LRMDA: variants seen among roughly 807,000 people sequenced by gnomAD.
LRMDA encodes leucine-rich melanocyte differentiation-associated protein.
Under a neutral mutation model 29.8 loss-of-function variants are expected in LRMDA, and 18 were observed. The ratio of observed to expected loss-of-function variants is 0.60; its 90% CI spans 0.42 to 0.90. The LOEUF (loss-of-function observed/expected upper bound fraction) is 0.90, where lower values mean the gene tolerates loss of function less well. Ranked by LOEUF, LRMDA falls within the 40% of genes least tolerant of loss-of-function variation. The pLI is 0.00. For synonymous variants in LRMDA, 125 were observed against 109.4 expected (o/e 1.14, Z -0.89); for missense variants, 273 against 273.9 (o/e 1.00, Z 0.02).
chr10:76,151,673 T>C (rs2132166145), intron 5 of LRMDA, among the ~76,000 whole-genome samples: 1 of 152,354 alleles, frequency 6.6e-6, no homozygotes, highest in South Asian at 2.1e-4. Flanking sequence ...GTATTTTTTG[T>C]TGTTGTTGTA....
chr10:75,808,097 A>G lies in LRMDA; in HGVS notation c.132-227911A>G, dbSNP rs575635162. Among the ~76,000 whole-genome samples the G allele has an allele frequency of 1.2e-4, 19 of 152,332 alleles. No homozygotes were observed. In the East Asian group the frequency reaches 3.3e-3, roughly 26 times the overall value. On this transcript the variant is annotated intron_variant, in intron 2 of 6. Transcript: ENST00000611255. ...GGGAATTTAAGCAAAAACAACTGCAATCCCGAATAGAATGAACACCTCCTT... is the reference window on the plus strand; with the variant it reads ...GGGAATTTAAGCAAAAACAACTGCAGTCCCGAATAGAATGAACACCTCCTT...
chr10:75,915,669 C>A (rs1056479255), intron 2 of LRMDA, among the ~76,000 whole-genome samples: 1 of 152,138 alleles, frequency 6.6e-6, no homozygotes, highest in Admixed American at 6.5e-5. Flanking sequence ...AGTTTTGGGC[C>A]CTTTCTAAGC....
chr10:76,417,904 A>C (rs574748532), intron 6 of LRMDA, among the ~76,000 whole-genome samples: 14 of 152,306 alleles, frequency 9.2e-5, no homozygotes, highest in African/African-American at 3.4e-4. Context: ...TCATAAGGAT[A>C]TCTGAAAAGA....
rs756023731 is a variant in LRMDA, at chr10:76,077,992, A to ATTTTTTTTTTTTTT, written c.516+19232_516+19245dup. On this transcript the variant is annotated intron_variant, in intron 5 of 6. Transcript: ENST00000611255. The stretch of plus-strand genomic sequence containing the variant: ...TCCTACCCCTAACTGCAATATTAAC[A>ATTTTTTTTTTTTTT]TTTTTTTTTTTTTTTTTTTTTTTTT... 6.2e-5 allele frequency among the ~76,000 whole-genome samples: 3 copies of ATTTTTTTTTTTTTT among 48,082 alleles called. 1 individual carries two copies. Among genetic ancestry groups the ATTTTTTTTTTTTTT allele is most frequent in the Non-Finnish European group, 1.1e-4 (3 of 27,526 alleles). The allele number at this position is 48,082 out of a possible 152,430, so 31.5% of individuals were successfully genotyped here. A position where few individuals can be genotyped will look rare whatever the true frequency, so the allele number is the denominator to read the frequency against.
At chr10:75,744,549 G>A (rs1842868269) in intron 2 of LRMDA, among the ~76,000 whole-genome samples, 1 of 152,144 alleles carries the variant, frequency 6.6e-6, no homozygotes, top group South Asian at 2.1e-4. Context: ...GTGTTTTAGA[G>A]CTGGAAGAGG....
intron 6 of LRMDA, among the ~76,000 whole-genome samples, chr10:76,332,791 A>G (rs1458305801): frequency 2.6e-5 from 4 of 152,190 alleles, no homozygotes; most frequent in African/African-American, 7.2e-5. Flanking sequence ...TCTCCCCAAC[A>G]TGTCTTCATT....
chr10:75,862,158 A>G (rs1028450371), intron 2 of LRMDA, among the ~76,000 whole-genome samples: 2 of 148,644 alleles, frequency 1.3e-5, no homozygotes, highest in African/African-American at 5.0e-5. Flanking sequence ...ATATAGCAAT[A>G]GATAATCAAA....
At chr10:76,441,186 C>G (rs1842299077) in intron 6 of LRMDA, among the ~76,000 whole-genome samples, 1 of 152,178 alleles carries the variant, frequency 6.6e-6, no homozygotes, top group Non-Finnish European at 1.5e-5. Context: ...TCTCTTCTCT[C>G]TCTTTCTCTC....
At chr10:76,555,630 A>G (rs1843546844) in intron 6 of LRMDA, among the ~76,000 whole-genome samples, 1 of 152,220 alleles carries the variant, frequency 6.6e-6, no homozygotes, top group African/African-American at 2.4e-5. Context: ...AGTCATTTTG[A>G]TCCTTATGTA....
intron 5 of LRMDA, among the ~76,000 whole-genome samples, chr10:76,169,402 G>A (rs879327603): frequency 1.3e-5 from 2 of 152,182 alleles, no homozygotes; most frequent in African/African-American, 4.8e-5. Context: ...AGATGGCAGT[G>A]CCTTTTCCTG....
intron 2 of LRMDA, among the ~76,000 whole-genome samples, chr10:75,517,566 G>C (rs1214193097): frequency 6.6e-6 from 1 of 152,208 alleles, no homozygotes; most frequent in Non-Finnish European, 1.5e-5. Context: ...CTGAGACTTT[G>C]CTGAAGTTGC....
intron 6 of LRMDA, among the ~76,000 whole-genome samples, chr10:76,427,884 C>A (rs970642965): frequency 6.6e-6 from 1 of 152,070 alleles, no homozygotes; most frequent in African/African-American, 2.4e-5. Flanking sequence ...GTCTTTGGTT[C>A]TGTTTATATG....
At chr10:75,455,356 C>T (rs1301447642) in intron 2 of LRMDA, among the ~76,000 whole-genome samples, 2 of 152,098 alleles carry the variant, frequency 1.3e-5, no homozygotes, top group African/African-American at 2.4e-5. Flanking sequence ...TGCAAAGGCC[C>T]CGAGTTGGGT....
intron 2 of LRMDA, among the ~76,000 whole-genome samples, chr10:75,934,894 A>C (rs1846262173): frequency 6.6e-6 from 1 of 152,124 alleles, no homozygotes; most frequent in African/African-American, 2.4e-5. Context: ...TTTATAACTG[A>C]GTTTTATTGA....
intron 2 of LRMDA, among the ~76,000 whole-genome samples, chr10:75,872,774 A>T (rs972066857): frequency 2.6e-5 from 4 of 152,142 alleles, no homozygotes; most frequent in Non-Finnish European, 5.9e-5. Context: ...CATCTTTTTC[A>T]TAAAGCTTTT....
chr10:75,774,887 G>A lies in LRMDA; in HGVS notation c.132-261121G>A, dbSNP rs184141662. ...CAGGGATGAAAGCTCTCCATAAAGG[G>A]TCATTGTTTCCAAAATGGAGCTTTC... is the stretch of plus-strand genomic sequence containing the variant. On this transcript the variant is annotated intron_variant, in intron 2 of 6. Coordinates refer to ENST00000611255, the MANE Select transcript of LRMDA (RefSeq NM_001305581.2). Among the ~76,000 whole-genome samples the A allele has an allele frequency of 2.4e-4, 36 of 152,318 alleles. No individual in the cohort carries two copies. In the East Asian group the frequency reaches 6.2e-3, roughly 26 times the overall value.
intron 2 of LRMDA, among the ~76,000 whole-genome samples, chr10:75,983,121 A>G (rs1847203147): frequency 6.6e-6 from 1 of 151,932 alleles, no homozygotes; most frequent in African/African-American, 2.4e-5. Context: ...GGCAGGGGGG[A>G]GCTCGGGTTG....
intron 5 of LRMDA, among the ~76,000 whole-genome samples, chr10:76,241,204 T>G (rs1312914): frequency 0.6 from 91,569 of 151,860 alleles, 27,555 homozygotes; most frequent in Middle Eastern, 0.66. Context: ...CAGAAATCAC[T>G]ACTAAAGACC....
chr10:75,566,607 T>G (rs144836385), intron 2 of LRMDA, among the ~76,000 whole-genome samples: 2 of 152,294 alleles, frequency 1.3e-5, no homozygotes, highest in Admixed American at 6.5e-5. Flanking sequence ...CACACTTTTC[T>G]TCTTCAAAGC....
Sources: allele counts gnomAD v4.1 joint callset (sites outside exome capture counted in the v4.1 genomes callset), GRCh38; gene constraint gnomAD v4.1.1; transcripts MANE v1.5; gene names NCBI Gene and HGNC (gene_info 2026-07-23, HGNC 2026-07-21).